Variants in GALNT17 observed in about 807,000 individuals in gnomAD.
GALNT17 encodes polypeptide N-acetylgalactosaminyltransferase 17, also known as UDP-GalNAc:polypeptide N-acetylgalactosaminyltransferase-like 3.
In GALNT17, 29 loss-of-function variants were observed where a neutral mutation model predicts 63.7. The observed-to-expected ratio is 0.46, with a 90% CI of 0.34 to 0.62. GALNT17 has a LOEUF of 0.62. Among genes scored for constraint, GALNT17 ranks in the 20% least tolerant of loss-of-function variants. The probability of loss-of-function intolerance (pLI) is 0.01; values close to 1 mark genes in which losing one functional copy is unlikely to be tolerated. For missense variants in GALNT17, 603 were observed against 799.6 expected (o/e 0.75, Z 2.97); for synonymous variants, 305 against 318.3 (o/e 0.96, Z 0.45).
Position 71,335,705 on chromosome 7 carries a change from C to G in GALNT17, c.394C>G (p.Arg132Gly). Residue 132 changes from arginine (R) to glycine (G), a missense_variant, in exon 2 of 11, where the codon CGT becomes GGT. Physicochemically the swap from Arg to Gly is moderately radical, Grantham distance 125. Transcript: ENST00000333538. Reference sequence around the variant, plus strand: ...CCTCAGTGAAAAAATTTCACTGGACCGTTCCATTCCGGATTATCGTCCCAC... The same window carrying G: ...CCTCAGTGAAAAAATTTCACTGGACGGTTCCATTCCGGATTATCGTCCCAC... ...SYLSEKISLD[R>G]SIPDYRPTKC... 6.2e-7 allele frequency: 1 copy of G among 1,606,584 alleles called. No individual in the cohort carries two copies. The highest frequency in any genetic ancestry group is 1.7e-5 in the Admixed American group (1 of 58,704).
At chr7:71,590,345 G>A (rs1225665679) in intron 6 of GALNT17, among the ~76,000 whole-genome samples, 2 of 152,152 alleles carry the variant, frequency 1.3e-5, no homozygotes, top group Non-Finnish European at 2.9e-5. Flanking sequence ...CCTGCTCCCA[G>A]CCTGCCAGAT....
chr7:71,482,975 C>T (rs1187511293), intron 5 of GALNT17, among the ~76,000 whole-genome samples: 2 of 152,156 alleles, frequency 1.3e-5, no homozygotes, highest in Admixed American at 1.3e-4. Context: ...TGGGGAGTGG[C>T]TGTAAATACA....
chr7:71,276,574 T>G (rs1320961888), intron 1 of GALNT17, among the ~76,000 whole-genome samples: 1 of 152,108 alleles, frequency 6.6e-6, no homozygotes, highest in Non-Finnish European at 1.5e-5. Context: ...AAAGGGGAGT[T>G]TCCCTGCACA....
intron 1 of GALNT17, among the ~76,000 whole-genome samples, chr7:71,323,211 C>T (rs955720318): frequency 3.0e-4 from 45 of 151,990 alleles, no homozygotes; most frequent in Admixed American, 1.2e-3. Context: ...GTAGAAGAAA[C>T]AAAGGTACCC....
intron 9 of GALNT17, among the ~76,000 whole-genome samples, chr7:71,694,039 C>T (rs943639200): frequency 6.6e-6 from 1 of 152,084 alleles, no homozygotes; most frequent in African/African-American, 2.4e-5. Flanking sequence ...TTAATGGACT[C>T]ACAGTTCCAC....
At chr7:71,263,839 G>T (rs1583810842) in intron 1 of GALNT17, among the ~76,000 whole-genome samples, 2 of 151,736 alleles carry the variant, frequency 1.3e-5, no homozygotes, top group Non-Finnish European at 1.5e-5. Flanking sequence ...CAGGAGAATG[G>T]CGTGAACCCG....
At chr7:71,417,813 A>T (rs1786567546) in intron 4 of GALNT17, among the ~76,000 whole-genome samples, 2 of 152,122 alleles carry the variant, frequency 1.3e-5, no homozygotes, top group African/African-American at 4.8e-5. Context: ...TGGCCCCGAC[A>T]CATGTCCCTT....
intron 5 of GALNT17, among the ~76,000 whole-genome samples, chr7:71,447,439 G>A (rs1787180817): frequency 1.3e-5 from 2 of 152,128 alleles, no homozygotes; most frequent in African/African-American, 2.4e-5. Flanking sequence ...TTATTGGGAA[G>A]TATTTTGCAT....
chr7:71,594,974 C>T (rs769969297), intron 6 of GALNT17, among the ~76,000 whole-genome samples: 5 of 152,134 alleles, frequency 3.3e-5, no homozygotes, highest in Non-Finnish European at 7.3e-5. Flanking sequence ...AGGGCTGGCC[C>T]TAATCCAGTG....
intron 1 of GALNT17, among the ~76,000 whole-genome samples, chr7:71,289,555 G>T (rs1790939229): frequency 6.6e-6 from 1 of 151,728 alleles, no homozygotes; most frequent in Non-Finnish European, 1.5e-5. Context: ...GGCCAACATG[G>T]TGAAACCCCA....
At position 71,416,497 on chromosome 7, in the gene GALNT17, G is replaced by T. The variant is rs144117369; in HGVS notation, c.764+434G>T. On this transcript the variant is annotated intron_variant, in intron 4 of 10. Transcript: ENST00000333538. ...CATGGTGGAGCACGCCTGTAGTCTC[G>T]GCTACTTGGGAGGCTGAGGCAGGAG... is the stretch of plus-strand genomic sequence containing the variant. 2.0e-3 allele frequency among the ~76,000 whole-genome samples: 301 copies of T among 152,004 alleles called. 3 individuals are homozygous for T. Among genetic ancestry groups the T allele is most frequent in the African/African-American group, 7.1e-3 (294 of 41,480 alleles).
rs573241643 is a variant in GALNT17 at position 71,279,542 on chromosome 7, A to T, written c.239-56008A>T. On this transcript the variant is annotated intron_variant, in intron 1 of 10. Transcript: ENST00000333538. ...TACAAAGACAGCAGCCATTGGATTC[A>T]TCCTAATCTAGTAGACCTCATCTTA... Among the ~76,000 whole-genome samples the T allele has an allele frequency of 1.1e-3, 169 of 151,918 alleles. 1 individual carries two copies. The highest frequency in any genetic ancestry group is 3.7e-3 in the African/African-American group (155 of 41,428).
At chr7:71,598,865 G>A (rs919518487) in intron 6 of GALNT17, among the ~76,000 whole-genome samples, 1 of 151,950 alleles carries the variant, frequency 6.6e-6, no homozygotes, top group Non-Finnish European at 1.5e-5. Flanking sequence ...GAAAGAACGG[G>A]GGGGATTGCG....
chr7:71,663,557 G>A (rs1334461851), intron 6 of GALNT17, among the ~76,000 whole-genome samples: 1 of 152,180 alleles, frequency 6.6e-6, no homozygotes, highest in Non-Finnish European at 1.5e-5. Context: ...TCCTGTCCCA[G>A]ATCAAAGAAG....
At position 71,322,855 on chromosome 7, in the gene GALNT17, C is replaced by T. The variant is rs146541546; in HGVS notation, c.239-12695C>T. On this transcript the variant is annotated intron_variant, in intron 1 of 10. Transcript: ENST00000333538. Reference sequence around the variant, plus strand: ...GAGCCCTCACCAAGAACCAAATCTGCGTTTACCTTAATCTTGGACTTCCCA... The same window carrying T: ...GAGCCCTCACCAAGAACCAAATCTGTGTTTACCTTAATCTTGGACTTCCCA... Among the ~76,000 whole-genome samples the T allele has an allele frequency of 2.4e-3, 372 of 152,136 alleles. 2 individuals carry two copies. The highest frequency in any genetic ancestry group is 6.2e-3 in the Admixed American group (94 of 15,284).
chr7:71,498,454 C>A (rs1788130517), intron 5 of GALNT17, among the ~76,000 whole-genome samples: 1 of 151,972 alleles, frequency 6.6e-6, no homozygotes, highest in South Asian at 2.1e-4. Flanking sequence ...GAGTGAGACT[C>A]TGTCTCAAAA....
chr7:71,540,498 C>T (rs1002990711), intron 5 of GALNT17, among the ~76,000 whole-genome samples: 14 of 151,984 alleles, frequency 9.2e-5, no homozygotes, highest in African/African-American at 2.9e-4. Flanking sequence ...TGTGTGTCCC[C>T]GTGGTGTGTA....
chr7:71,152,571 G>A (rs1023397871), intron 1 of GALNT17, among the ~76,000 whole-genome samples: 1 of 151,968 alleles, frequency 6.6e-6, no homozygotes, highest in African/African-American at 2.4e-5. Flanking sequence ...AGCCCCGGGG[G>A]ATCCTGATCC....
intron 5 of GALNT17, among the ~76,000 whole-genome samples, chr7:71,516,653 G>A (rs771835413): frequency 2.0e-5 from 3 of 152,068 alleles, no homozygotes; most frequent in Non-Finnish European, 4.4e-5. Flanking sequence ...GAACTTGCAG[G>A]GGTGATTTGA....
Sources: gnomAD v4.1 joint callset for allele counts (sites outside exome capture counted in the v4.1 genomes callset) on GRCh38, gnomAD v4.1.1 for gene constraint, MANE v1.5 for transcripts, NCBI Gene and HGNC (gene_info 2026-07-23, HGNC 2026-07-21) for gene names.